GRIA2: variants seen among roughly 807,000 people sequenced by gnomAD.
GRIA2 encodes the protein glutamate ionotropic receptor AMPA type subunit 2.
Under a neutral mutation model 97.3 loss-of-function variants are expected in GRIA2, and 14 were observed. The ratio of observed to expected loss-of-function variants is 0.14; its 90% CI spans 0.10 to 0.23. The LOEUF is 0.23. Among genes scored for constraint, GRIA2 ranks in the 10% least tolerant of loss-of-function variants. GRIA2 has a pLI of 1.00. For missense variants in GRIA2, 558 were observed against 1,069.8 expected (o/e 0.52, Z 6.67); for synonymous variants, 412 against 387.8 (o/e 1.06, Z -0.73).
intron 2 of GRIA2, among the ~76,000 whole-genome samples, chr4:157,262,270 G>T (rs2126770636): frequency 6.6e-6 from 1 of 152,086 alleles, no homozygotes; most frequent in African/African-American, 2.4e-5. Flanking sequence ...ATGGAAGTTT[G>T]GTGAACACAC....
chr4:157,308,135 T>G (rs2126876580), intron 3 of GRIA2, among the ~76,000 whole-genome samples: 1 of 152,360 alleles, frequency 6.6e-6, no homozygotes, highest in South Asian at 2.1e-4. Context: ...TTCCCCTGTG[T>G]ACCGGGTGAC....
intron 1 of GRIA2, chr4:157,221,457 C>A (rs1222776770): frequency 6.8e-6 from 4 of 589,718 alleles, no homozygotes; most frequent in Admixed American, 3.2e-5. Flanking sequence ...GGTTTCTGGC[C>A]GCCTACCTCG....
chr4:157,303,909 A>C (rs1733727384), intron 3 of GRIA2, 118 bp downstream of exon 3: 2 of 1,041,144 alleles, frequency 1.9e-6, no homozygotes, highest in African/African-American at 3.2e-5. Context: ...CCTTGGTTTA[A>C]TTTTGCTGTG....
At chr4:157,331,004 G>A (rs953829869) in intron 6 of GRIA2, among the ~76,000 whole-genome samples, 1 of 151,916 alleles carries the variant, frequency 6.6e-6, no homozygotes, top group African/African-American at 2.4e-5. Context: ...ATCAAAAAAT[G>A]TGAACATATT....
chr4:157,304,755 A>C (rs901603411), intron 3 of GRIA2, among the ~76,000 whole-genome samples: 3 of 152,150 alleles, frequency 2.0e-5, no homozygotes, highest in Non-Finnish European at 4.4e-5. Flanking sequence ...ATTTCGACCA[A>C]GATAGGGCAC....
intron 2 of GRIA2, among the ~76,000 whole-genome samples, chr4:157,259,049 C>G (rs1230431794): frequency 6.6e-6 from 1 of 151,834 alleles, no homozygotes; most frequent in Admixed American, 6.6e-5. Context: ...TGGCAAGAAA[C>G]CATCTCTACA....
At chr4:157,291,574 T>C (rs551705164) in intron 2 of GRIA2, among the ~76,000 whole-genome samples, 6 of 152,158 alleles carry the variant, frequency 3.9e-5, no homozygotes, top group African/African-American at 1.4e-4. Context: ...AGTTTAATTA[T>C]ATACATTGAT....
chr4:157,333,118 G>T, intron 7 of GRIA2, 131 bp from the exon 8 acceptor site: 2 of 931,304 alleles, frequency 2.1e-6, no homozygotes, highest in Non-Finnish European at 1.6e-6. Context: ...CAACACAAAG[G>T]TAGGTTGAAG....
At position 157,359,893 on chromosome 4, in the gene GRIA2, C is replaced by T; in HGVS notation, c.2044-3C>T. On this transcript the variant is annotated splice_polypyrimidine_tract_variant and splice_region_variant and intron_variant, in intron 12 of 15. Coordinates refer to ENST00000264426, the MANE Select transcript of GRIA2 (RefSeq NM_001083619.3). ...GCTATCTGGCCCCTTACTTTTCCTGCAGAGATCTAAAATTGCAGTGTTTGA... is the reference window on the plus strand; with the variant it reads ...GCTATCTGGCCCCTTACTTTTCCTGTAGAGATCTAAAATTGCAGTGTTTGA... 1 of 1,612,936 alleles carries T rather than the reference C, an allele frequency of 6.2e-7. No individual in the cohort carries two copies.
At chr4:157,295,680 A>T in intron 2 of GRIA2, among the ~76,000 whole-genome samples, 1 of 152,120 alleles carries the variant, frequency 6.6e-6, no homozygotes, top group East Asian at 1.9e-4. Flanking sequence ...CTTTAAAATA[A>T]CCCCATTAAT....
chr4:157,343,450 C>A (rs898378118), intron 12 of GRIA2, among the ~76,000 whole-genome samples: 1 of 152,026 alleles, frequency 6.6e-6, no homozygotes, highest in Non-Finnish European at 1.5e-5. Flanking sequence ...TTTCCTCGTG[C>A]AGCAAAATCT....
At chr4:157,349,504 T>A (rs1220121543) in intron 12 of GRIA2, among the ~76,000 whole-genome samples, 1 of 144,256 alleles carries the variant, frequency 6.9e-6, no homozygotes, top group East Asian at 2.2e-4. Context: ...TCTTTCGTTC[T>A]TTTTTGTAAC....
intron 2 of GRIA2, among the ~76,000 whole-genome samples, chr4:157,277,856 A>ATATATATG (rs995705559): frequency 2.1e-5 from 3 of 143,446 alleles, no homozygotes; most frequent in East Asian, 2.0e-4. Flanking sequence ...GTATATATGT[A>ATATATATG]TATATATGTA....
chr4:157,341,396 T>A lies in GRIA2; in HGVS notation c.1977T>A (p.Asp659Glu). ...RMVSPIESAEDLSKQTEIAYG... is the reference protein window; with the variant it reads ...RMVSPIESAEELSKQTEIAYG... ...TGTCTCCCATCGAAAGTGCTGAGGA[T>A]CTTTCTAAGCAAACAGAAATTGCTT... The change falls in exon 12 of 16, where the codon GAT becomes GAA. Residue 659 changes from aspartate (D) to glutamate (E), a missense_variant. By Grantham distance (45) the Asp-to-Glu change is conservative. Coordinates refer to ENST00000264426, the MANE Select transcript of GRIA2 (RefSeq NM_001083619.3). 1 of 1,612,598 alleles carries A rather than the reference T, an allele frequency of 6.2e-7. No homozygotes were observed. Among genetic ancestry groups the A allele is most frequent in the Non-Finnish European group, 8.5e-7 (1 of 1,178,742 alleles).
At chr4:157,362,166 C>T (rs1333135752) in intron 14 of GRIA2, among the ~76,000 whole-genome samples, 10 of 151,996 alleles carry the variant, frequency 6.6e-5, no homozygotes, top group Non-Finnish European at 1.5e-4. Flanking sequence ...TTTTGGAGAC[C>T]AAGAGATCAA....
chr4:157,224,098 T>C (rs1490031775), intron 2 of GRIA2, among the ~76,000 whole-genome samples: 1 of 152,140 alleles, frequency 6.6e-6, no homozygotes, highest in Non-Finnish European at 1.5e-5. Context: ...ACCACACAAT[T>C]TAATTTGTCC....
At chr4:157,256,408 A>T (rs1020061946) in intron 2 of GRIA2, among the ~76,000 whole-genome samples, 1 of 149,832 alleles carries the variant, frequency 6.7e-6, no homozygotes, top group African/African-American at 2.5e-5. Flanking sequence ...TATTCATGGT[A>T]AACATAATTA....
At chr4:157,355,917 A>T (rs1373097446) in intron 12 of GRIA2, among the ~76,000 whole-genome samples, 2 of 21,178 alleles carry the variant, frequency 9.4e-5, no homozygotes, top group Non-Finnish European at 2.6e-4. Flanking sequence ...ATATATATTA[A>T]TATATTTATA....
chr4:157,240,772 A>C (rs964937916), intron 2 of GRIA2, among the ~76,000 whole-genome samples: 24 of 151,336 alleles, frequency 1.6e-4, no homozygotes, highest in African/African-American at 4.9e-4. Flanking sequence ...GGTTAGTTAC[A>C]TATGTATACA....
Sources: allele counts gnomAD v4.1 joint callset (sites outside exome capture counted in the v4.1 genomes callset), GRCh38; gene constraint gnomAD v4.1.1; transcripts MANE v1.5; gene names NCBI Gene and HGNC (gene_info 2026-07-23, HGNC 2026-07-21).